SYNJ1: variants seen among roughly 807,000 people sequenced by gnomAD.
The protein encoded by SYNJ1 is polyphosphatidylinositol phosphatase SYNJ1.
In SYNJ1, 78 loss-of-function variants were observed where a neutral mutation model predicts 168.2. That is an observed-to-expected ratio of 0.46 (90% CI 0.39 to 0.56). The LOEUF is 0.56. Ranked by LOEUF, SYNJ1 falls within the 20% of genes least tolerant of loss-of-function variation. The pLI, the probability that SYNJ1 is intolerant of heterozygous loss-of-function variation, is 0.00. For missense variants in SYNJ1, 1,303 were observed against 1,597.6 expected (o/e 0.82, Z 3.14); for synonymous variants, 539 against 548.6 (o/e 0.98, Z 0.24).
intron 12 of SYNJ1, among the ~76,000 whole-genome samples, chr21:32,677,187 G>T (rs761818377): frequency 7.2e-5 from 11 of 152,314 alleles, no homozygotes; most frequent in South Asian, 2.1e-4. Context: ...GATGTTTGAG[G>T]TGTGTGTGCA....
intron 14 of SYNJ1, among the ~76,000 whole-genome samples, chr21:32,672,059 C>CAAAAAAAAAAAAAAAAAAAAAA (rs1160074724): frequency 8.9e-4 from 22 of 24,664 alleles, no homozygotes; most frequent in Admixed American, 1.4e-3. Context: ...AACTCAATCT[C>CAAAAAAAAAAAAAAAAAAAAAA]AAAAAAAAAA....
At chr21:32,707,674 G>A (rs1477210231) in intron 2 of SYNJ1, among the ~76,000 whole-genome samples, 1 of 151,988 alleles carries the variant, frequency 6.6e-6, no homozygotes, top group Non-Finnish European at 1.5e-5. Flanking sequence ...ACCTAACACA[G>A]AGACTCTGAA....
intron 18 of SYNJ1, among the ~76,000 whole-genome samples, chr21:32,660,229 G>GC (rs2040636278): frequency 6.6e-6 from 1 of 152,308 alleles, no homozygotes; most frequent in South Asian, 2.1e-4. Context: ...AAGGGCCCTG[G>GC]CAGCAATGGC....
At position 32,645,707 on chromosome 21, in the gene SYNJ1, C is replaced by A. The variant is rs1376517992; in HGVS notation, c.3330G>T (p.Pro1110=). 4 of 1,474,222 alleles carry A rather than the reference C, an allele frequency of 2.7e-6. No homozygotes were observed. Among genetic ancestry groups the A allele is most frequent in the South Asian group, 2.9e-5 (2 of 70,132 alleles). 91.3% of individuals were successfully genotyped at this position (1,474,222 alleles called of 1,614,324 possible). The part of the protein sequence containing the change: ...AQPLEPKRPP[P]PRPVAPPTRP... The stretch of plus-strand genomic sequence containing the variant: ...GTGTGGGAGGGGCGACCGGGCGGGG[C>A]GGCGGCGGCCGCTTGGGCTCCAAGG... Residue 1110 remains proline (P), a synonymous_variant, in exon 25 of 33, where the codon CCG becomes CCT. Transcript: ENST00000674351.
chr21:32,631,487 A>T lies in SYNJ1; in HGVS notation c.*318T>A. ...CTCTAAATGGGTTTCCAGGAGCAGC[A>T]GTCCTGTCACTGAAAGGATTTGTCC... On this transcript the variant is annotated 3_prime_UTR_variant, in exon 33 of 33. Coordinates refer to ENST00000674351, the MANE Select transcript of SYNJ1 (RefSeq NM_203446.3). 1 of 1,614,168 alleles carries T rather than the reference A, an allele frequency of 6.2e-7. No homozygotes were observed. The highest frequency in any genetic ancestry group is 8.5e-7 in the Non-Finnish European group (1 of 1,180,012).
intron 18 of SYNJ1, among the ~76,000 whole-genome samples, chr21:32,660,408 C>T (rs528335218): frequency 2.6e-5 from 4 of 152,336 alleles, no homozygotes; most frequent in East Asian, 1.9e-4. Flanking sequence ...TAATCACTGA[C>T]GTCTGTAACA....
intron 2 of SYNJ1, among the ~76,000 whole-genome samples, chr21:32,716,948 A>G (rs753933854): frequency 6.6e-6 from 1 of 150,672 alleles, no homozygotes; most frequent in Non-Finnish European, 1.5e-5. Flanking sequence ...CTAGAAGTCT[A>G]ATTTGGGTCT....
chr21:32,663,206 A>G (rs1042298097), intron 18 of SYNJ1, among the ~76,000 whole-genome samples: 1 of 152,212 alleles, frequency 6.6e-6, no homozygotes, highest in Non-Finnish European at 1.5e-5. Context: ...TTCCCAGCTC[A>G]AAAGAATCAC....
At chr21:32,706,428 G>A (rs947168341) in intron 2 of SYNJ1, among the ~76,000 whole-genome samples, 1 of 151,806 alleles carries the variant, frequency 6.6e-6, no homozygotes, top group Non-Finnish European at 1.5e-5. Flanking sequence ...CAAAGTATTT[G>A]GGGGTGATGG....
chr21:32,672,432 T>C (rs13050824), intron 14 of SYNJ1, among the ~76,000 whole-genome samples: 7 of 151,906 alleles, frequency 4.6e-5, no homozygotes, highest in African/African-American at 1.7e-4. Context: ...CTCTACCTCC[T>C]GGATTCAAAC....
chr21:32,706,698 T>G (rs2042623931), intron 2 of SYNJ1, among the ~76,000 whole-genome samples: 3 of 152,168 alleles, frequency 2.0e-5, no homozygotes, highest in Admixed American at 2.0e-4. Flanking sequence ...AAATACCTTG[T>G]TATTCCCTCC....
intron 17 of SYNJ1, 74 bp downstream of exon 17, chr21:32,665,869 A>G: frequency 7.1e-7 from 1 of 1,405,466 alleles, no homozygotes; most frequent in East Asian, 2.4e-5. Flanking sequence ...TTCCAAAAAC[A>G]TTGATGTAGA....
Position 32,645,668 on chromosome 21 carries a change from T to TG in SYNJ1, c.3368dup (p.Gln1124ThrfsTer10). The stretch of plus-strand genomic sequence containing the variant: ...CACCTGAAGGCGGAGGAGGTCTCTG[T>TG]GGGGGAGCCGGGCGTGTGGGAGGGG... On this transcript the variant is annotated frameshift_variant, in exon 25 of 33. Coordinates refer to ENST00000674351, the MANE Select transcript of SYNJ1 (RefSeq NM_203446.3). LOFTEE classifies it high-confidence loss of function. The TG allele has an allele frequency of 2.0e-6, 3 of 1,525,352 alleles. No individual in the cohort carries two copies. The allele number at this position is 1,525,352 out of a possible 1,614,324, so 94.5% of individuals were successfully genotyped here. A position where few individuals can be genotyped will look rare whatever the true frequency, so the allele number is the denominator to read the frequency against.
At chr21:32,673,652 C>T (rs1201570281) in intron 13 of SYNJ1, 121 bp from the exon 14 acceptor site, 1 of 804,320 alleles carries the variant, frequency 1.2e-6, no homozygotes, top group Non-Finnish European at 1.7e-6. Flanking sequence ...CACAAACAAG[C>T]AAAAGATACA....
In SYNJ1 at chr21:32,641,898, GTCTGGCTGTACTGTA is replaced by G; in HGVS notation, c.3571_3585del (p.Tyr1191_Arg1195del). On this transcript the variant is annotated inframe_deletion, in exon 29 of 33. Coordinates refer to ENST00000674351, the MANE Select transcript of SYNJ1 (RefSeq NM_203446.3). ...GCCCCAGGCGAGGTTTTACCTACCG[GTCTGGCTGTACTGTA>G]TCCAGCAGGTCCTGGGCCTGCAAGT... The G allele has an allele frequency of 6.2e-7, 1 of 1,610,290 alleles. No homozygotes were observed.
At chr21:32,725,715 T>C (rs1431402597) in intron 2 of SYNJ1, among the ~76,000 whole-genome samples, 2 of 152,200 alleles carry the variant, frequency 1.3e-5, no homozygotes, top group Non-Finnish European at 2.9e-5. Context: ...TAAGGGCTTA[T>C]ATTTGTAAGT....
intron 22 of SYNJ1, among the ~76,000 whole-genome samples, chr21:32,650,929 CAG>C (rs1214481526): frequency 6.6e-6 from 1 of 152,210 alleles, no homozygotes; most frequent in East Asian, 1.9e-4. Context: ...ATTCTAAAAA[CAG>C]AATGACTTCT....
Position 32,688,322 on chromosome 21 carries a change from C to G in SYNJ1, c.835G>C (p.Ala279Pro). Reference protein sequence around the residue: ...VRMSRGFEANAPAFDRHFRTL... With the variant: ...VRMSRGFEANPPAFDRHFRTL... Reference sequence around the variant, plus strand: ...TTGTCTTACCTGTCAAAAGCAGGTGCATTGGCTTCAAATCCCCTTGACATA... The same window carrying G: ...TTGTCTTACCTGTCAAAAGCAGGTGGATTGGCTTCAAATCCCCTTGACATA... The change falls in exon 7 of 33, where the codon GCA becomes CCA. Residue 279 changes from alanine (A) to proline (P), a missense_variant. Ala to Pro is a conservative substitution (Grantham distance 27). This residue lies in a region of SYNJ1 where 920 missense variants were observed against 1,208.8 expected (regional missense o/e 0.76). Transcript: ENST00000674351. The G allele has an allele frequency of 6.2e-7, 1 of 1,613,614 alleles. No individual in the cohort carries two copies. The highest frequency in any genetic ancestry group is 8.5e-7 in the Non-Finnish European group (1 of 1,179,792).
chr21:32,694,107 AG>A, intron 6 of SYNJ1, 120 bp downstream of exon 6: 1 of 645,930 alleles, frequency 1.5e-6, no homozygotes, highest in Non-Finnish European at 2.4e-6. Context: ...TTGCAAATCC[AG>A]CTAACATTAT....
Sources: allele counts gnomAD v4.1 joint callset (sites outside exome capture counted in the v4.1 genomes callset), GRCh38; gene constraint gnomAD v4.1.1; regional missense constraint gnomAD v4.1.1; transcripts MANE v1.5; gene names NCBI Gene and HGNC (gene_info 2026-07-23, HGNC 2026-07-21).